The following ZDHHC21 variants were observed in gnomAD, a reference collection of about 807,000 sequenced individuals.
ZDHHC21 encodes zDHHC palmitoyltransferase 21.
A neutral mutation model predicts 34.6 loss-of-function variants in ZDHHC21; 15 were observed. The observed-to-expected ratio is 0.43, with a 90% CI of 0.29 to 0.67. The LOEUF (loss-of-function observed/expected upper bound fraction) is 0.67. Among genes scored for constraint, ZDHHC21 ranks in the 30% least tolerant of loss-of-function variants. The pLI, the probability that ZDHHC21 is intolerant of heterozygous loss-of-function variation, is 0.14. For missense variants in ZDHHC21, 344 were observed against 327.7 expected (o/e 1.05, Z -0.38); for synonymous variants, 142 against 101.8 (o/e 1.40, Z -2.38).
intron 2 of ZDHHC21, among the ~76,000 whole-genome samples, chr9:14,685,633 G>T (rs559653956): frequency 6.0e-4 from 91 of 152,344 alleles, no homozygotes; most frequent in African/African-American, 2.0e-3. Context: ...AACCATTGTG[G>T]AAGACAGTGT....
intron 8 of ZDHHC21, among the ~76,000 whole-genome samples, chr9:14,627,535 T>A (rs1367007695): frequency 2.0e-5 from 3 of 152,156 alleles, no homozygotes; most frequent in Non-Finnish European, 4.4e-5. Context: ...TAAATACATC[T>A]GTCTCACCCT....
intron 3 of ZDHHC21, among the ~76,000 whole-genome samples, chr9:14,676,201 G>A (rs1401531139): frequency 3.9e-5 from 6 of 151,978 alleles, no homozygotes; most frequent in Admixed American, 6.6e-5. Flanking sequence ...TAGGTTTGCA[G>A]AAAGGAGCAA....
the ZDHHC21 span, among the ~76,000 whole-genome samples, chr9:14,604,139 A>T: frequency 1.3e-5 from 2 of 152,210 alleles, no homozygotes; most frequent in Non-Finnish European, 2.9e-5. Flanking sequence ...GGGGAAGATG[A>T]AACAATATAT....
rs1823896193 is a variant in ZDHHC21, at chr9:14,614,805, T to A, written c.*4161A>T. On this transcript the variant is annotated 3_prime_UTR_variant, in exon 10 of 10. Coordinates refer to ENST00000380916, the MANE Select transcript of ZDHHC21 (RefSeq NM_178566.6). ...AAGCAGTAGTAGAGTTGTGTGAAAA[T>A]CTAATATTTGTATCTATTAGCAAAC... is the stretch of plus-strand genomic sequence containing the variant. 1 of 151,720 alleles carries A rather than the reference T, an allele frequency of 6.6e-6. No individual in the cohort carries two copies. The highest frequency in any genetic ancestry group is 2.4e-5 in the African/African-American group (1 of 41,408). The allele number at this position is 151,720 out of a possible 1,614,324, so 9.4% of individuals were successfully genotyped here.
intron 7 of ZDHHC21, among the ~76,000 whole-genome samples, 179 bp downstream of exon 7, chr9:14,658,570 C>G (rs1348457397): frequency 8.0e-6 from 1 of 124,428 alleles, no homozygotes; most frequent in South Asian, 2.9e-4. Context: ...CCCTGGGGTT[C>G]ACGCCATTCT....
downstream of ZDHHC21, among the ~76,000 whole-genome samples, chr9:14,608,406 A>G (rs1823085995): frequency 6.6e-6 from 1 of 152,200 alleles, no homozygotes; most frequent in Non-Finnish European, 1.5e-5. Context: ...TTACTACTAA[A>G]GACACACTCA....
At chr9:14,656,033 T>G (rs1177153977) in intron 7 of ZDHHC21, among the ~76,000 whole-genome samples, 1 of 151,772 alleles carries the variant, frequency 6.6e-6, no homozygotes, top group Non-Finnish European at 1.5e-5. Context: ...GAATCATTAC[T>G]AAGAATAAAG....
chr9:14,690,206 T>C (rs1838961169), intron 2 of ZDHHC21, 131 bp downstream of exon 2: 1 of 342,616 alleles, frequency 2.9e-6, no homozygotes, highest in Non-Finnish European at 5.6e-6. Context: ...TACCTTCTAG[T>C]ACCCACCACA....
Position 14,614,164 on chromosome 9 carries a change from T to A in ZDHHC21, c.*4802A>T, listed in dbSNP as rs751435403. 6.6e-6 allele frequency: 1 copy of A among 151,748 alleles called. No homozygotes were observed. Among genetic ancestry groups the A allele is most frequent in the Admixed American group, 6.6e-5 (1 of 15,188 alleles). The allele number at this position is 151,748 out of a possible 1,614,324, so 9.4% of individuals were successfully genotyped here. A position where few individuals can be genotyped will look rare whatever the true frequency, so the allele number is the denominator to read the frequency against. ...TGAGATGCTGATTATTCATGCACCA[T>A]CTAGCCTTCTCTCCATCTTAGTAAG... On this transcript the variant is annotated 3_prime_UTR_variant, in exon 10 of 10. Coordinates refer to ENST00000380916, the MANE Select transcript of ZDHHC21 (RefSeq NM_178566.6).
rs372634130 is a variant in ZDHHC21 at position 14,664,834 on chromosome 9, G to A, written c.254-2508C>T. On this transcript the variant is annotated intron_variant, in intron 5 of 9. Transcript: ENST00000380916. ...AACAAACAGAAAGGACATCCACACC[G>A]AAAACCCATCTGTACATCACCATCA... Among the ~76,000 whole-genome samples, 95 of 150,840 alleles carry A rather than the reference G, an allele frequency of 6.3e-4. 1 individual carries two copies. Among genetic ancestry groups the A allele is most frequent in the East Asian group, 5.3e-3 (27 of 5,110 alleles).
At chr9:14,630,369 T>C (rs930359866) in intron 8 of ZDHHC21, among the ~76,000 whole-genome samples, 5 of 152,224 alleles carry the variant, frequency 3.3e-5, no homozygotes, top group African/African-American at 9.6e-5. Context: ...CATGAGATTG[T>C]AGCAATTCGG....
At chr9:14,688,037 T>C (rs1343654675) in intron 2 of ZDHHC21, among the ~76,000 whole-genome samples, 1 of 150,958 alleles carries the variant, frequency 6.6e-6, no homozygotes, top group Non-Finnish European at 1.5e-5. Context: ...TAATTCTCCA[T>C]AAAAATCAAG....
intron 7 of ZDHHC21, among the ~76,000 whole-genome samples, chr9:14,645,746 G>A (rs1048721393): frequency 1.3e-5 from 2 of 151,968 alleles, no homozygotes; most frequent in African/African-American, 2.4e-5. Context: ...AAAGTCAAAT[G>A]GGAAAAATAC....
chr9:14,593,236 CA>C, the ZDHHC21 span, among the ~76,000 whole-genome samples: 1 of 151,894 alleles, frequency 6.6e-6, no homozygotes, highest in Non-Finnish European at 1.5e-5. Context: ...ACAAAATTGA[CA>C]AACCTTTAAG....
intron 2 of ZDHHC21, among the ~76,000 whole-genome samples, chr9:14,680,459 C>T (rs1259942868): frequency 6.6e-6 from 1 of 152,112 alleles, no homozygotes; most frequent in Non-Finnish European, 1.5e-5. Flanking sequence ...GACTTCATCA[C>T]ACACTTCCTT....
intron 2 of ZDHHC21, among the ~76,000 whole-genome samples, chr9:14,688,752 C>T (rs1349899896): frequency 2.0e-5 from 3 of 152,186 alleles, no homozygotes; most frequent in Non-Finnish European, 4.4e-5. Flanking sequence ...ATCCAAGCTA[C>T]TCGGGAGGCT....
intron 8 of ZDHHC21, among the ~76,000 whole-genome samples, chr9:14,623,913 G>T (rs1262766172): frequency 2.0e-5 from 3 of 151,960 alleles, no homozygotes; most frequent in Non-Finnish European, 4.4e-5. Context: ...ACTCTTGTTG[G>T]GGAAAGTGTA....
intron 5 of ZDHHC21, among the ~76,000 whole-genome samples, chr9:14,665,197 G>C (rs1834188444): frequency 7.2e-6 from 1 of 138,730 alleles, no homozygotes; most frequent in Non-Finnish European, 1.5e-5. Context: ...ACTACGTGAA[G>C]AATGCAGAAG....
In ZDHHC21 at chr9:14,640,053, C is replaced by T. The variant is rs376911390; in HGVS notation, c.505-41G>A. ...AAGTCTTAAAAACCATTCAGAGTTG[C>T]TTACATTGCTTACAGTCGCAATAAT... On this transcript the variant is annotated intron_variant, in intron 7 of 9. Transcript: ENST00000380916. 6.9e-4 allele frequency: 771 copies of T among 1,115,662 alleles called. 1 individual carries two copies. The highest frequency in any genetic ancestry group is 9.6e-4 in the Non-Finnish European group (724 of 755,716). 69.1% of individuals were successfully genotyped at this position (1,115,662 alleles called of 1,614,324 possible).
Sources: gnomAD v4.1 joint callset for allele counts (sites outside exome capture counted in the v4.1 genomes callset) on GRCh38, gnomAD v4.1.1 for gene constraint, MANE v1.5 for transcripts, NCBI Gene and HGNC (gene_info 2026-07-23, HGNC 2026-07-21) for gene names.